Variants in ITGB4 observed in about 807,000 individuals in gnomAD.
ITGB4 encodes the protein integrin beta-4.
ITGB4 carries 159 observed loss-of-function variants against 207.6 expected under a neutral mutation model. The observed-to-expected ratio is 0.77, with a 90% CI of 0.67 to 0.87. ITGB4 has a LOEUF of 0.87. ITGB4 is among the 40% of genes least tolerant of loss of function. The probability of loss-of-function intolerance (pLI) is 0.00; values close to 1 mark genes in which losing one functional copy is unlikely to be tolerated. For synonymous variants in ITGB4, 1,020 were observed against 1,062.7 expected, an observed-to-expected ratio of 0.96 and a Z score of 0.78; for missense variants, 2,278 against 2,546.8, an observed-to-expected ratio of 0.89 and a Z score of 2.27.
chr17:75,722,475 T>G lies in ITGB4; in HGVS notation c.-11+863T>G, dbSNP rs914160937. ...GAGCTGGCAGTGAAGGCTTGGAGTC[T>G]CCATCCTGGGGGCTGAGGGAAGGAC... On this transcript the variant is annotated intron_variant, in intron 1 of 39. Transcript: ENST00000200181. This position sits in a 1 kb window ranked among gnomAD's most constrained non-coding sequence, Gnocchi z 6.2. Among the ~76,000 whole-genome samples the G allele has an allele frequency of 1.3e-5, 2 of 152,140 alleles. No individual in the cohort carries two copies. The highest frequency in any genetic ancestry group is 1.3e-4 in the Admixed American group (2 of 15,274).
chr17:75,727,439 G>A lies in ITGB4; in HGVS notation c.198G>A (p.Glu66=), dbSNP rs1015321334. 13 of 1,613,862 alleles carry A rather than the reference G, an allele frequency of 8.1e-6. No homozygotes were observed. The Admixed American group carries it at 1.0e-4, about 12-fold the overall frequency. Reference sequence around the variant, plus strand: ...ACCGGCGCTGCAACACCCAGGCGGAGCTGCTGGCCGCGGGCTGCCAGCGGG... The same window carrying A: ...ACCGGCGCTGCAACACCCAGGCGGAACTGCTGGCCGCGGGCTGCCAGCGGG... ...FRDRRCNTQA[E]LLAAGCQRES... The change falls in exon 4 of 40, where the codon GAG becomes GAA. Residue 66 remains glutamate, a synonymous_variant. Coordinates refer to ENST00000200181, the MANE Select transcript of ITGB4 (RefSeq NM_000213.5). This position sits in a 1 kb window ranked among gnomAD's most constrained non-coding sequence, Gnocchi z 6.0.
Position 75,732,311 on chromosome 17 carries a change from G to C in ITGB4, c.1454+72G>C. 2.1e-6 allele frequency: 3 copies of C among 1,459,302 alleles called. No individual in the cohort carries two copies. Among genetic ancestry groups the C allele is most frequent in the Non-Finnish European group, 2.9e-6 (3 of 1,041,728 alleles). The allele number at this position is 1,459,302 out of a possible 1,614,324, so 90.4% of individuals were successfully genotyped here. On this transcript the variant is annotated intron_variant, in intron 12 of 39. Coordinates refer to ENST00000200181, the MANE Select transcript of ITGB4 (RefSeq NM_000213.5). The surrounding 1 kb of genome is among the most constrained non-coding windows in gnomAD (Gnocchi z 5.3). ...ATGGGAAAGCTGGGCTCCTGCAGGGGCCTGGCCCTGGGTGCACCTTGTACA... is the reference window on the plus strand; with the variant it reads ...ATGGGAAAGCTGGGCTCCTGCAGGGCCCTGGCCCTGGGTGCACCTTGTACA...
chr17:75,748,283 G>A (rs1315673645), intron 26 of ITGB4, among the ~76,000 whole-genome samples: 1 of 151,688 alleles, frequency 6.6e-6, no homozygotes, highest in Non-Finnish European at 1.5e-5. Context: ...GATGGCCTGA[G>A]CCCAGGAGGT....
At chr17:75,728,261 C>G (rs2060766869) in intron 5 of ITGB4, 116 bp from the exon 6 acceptor site, 1 of 803,116 alleles carries the variant, frequency 1.2e-6, no homozygotes, top group South Asian at 1.4e-5. Flanking sequence ...CTTTGTCCAG[C>G]ATGCAAAGCG....
chr17:75,732,827 CT>C lies in ITGB4; in HGVS notation c.1454+589del, dbSNP rs748026486. Among the ~76,000 whole-genome samples, 6 of 152,212 alleles carry C rather than the reference CT, an allele frequency of 3.9e-5. No homozygotes were observed. The highest frequency in any genetic ancestry group is 4.4e-5 in the Non-Finnish European group (3 of 68,044). On this transcript the variant is annotated intron_variant, in intron 12 of 39. Transcript: ENST00000200181. This position sits in a 1 kb window ranked among gnomAD's most constrained non-coding sequence, Gnocchi z 5.3. Reference sequence around the variant, plus strand: ...GCAGGCCAGGCGAGGTGGCTCACACCTGTAATCCCAGCACTTTGGGAGGCCG... The same window carrying C: ...GCAGGCCAGGCGAGGTGGCTCACACCGTAATCCCAGCACTTTGGGAGGCCG...
At position 75,724,920 on chromosome 17, in the gene ITGB4, C is replaced by G; in HGVS notation, c.79+138C>G. On this transcript the variant is annotated intron_variant, in intron 2 of 39. Transcript: ENST00000200181. Reference sequence around the variant, plus strand: ...AACTGACCACTGCCCACCTTCAGGGCTGGAAAACTTGAGGCTCCAAGCTCT... The same window carrying G: ...AACTGACCACTGCCCACCTTCAGGGGTGGAAAACTTGAGGCTCCAAGCTCT... The G allele has an allele frequency of 3.9e-6, 3 of 767,250 alleles. No homozygotes were observed. The East Asian group carries it at 8.0e-5, about 20-fold the overall frequency. 47.5% of individuals were successfully genotyped at this position (767,250 alleles called of 1,614,324 possible).
Position 75,723,039 on chromosome 17 carries a change from C to T in ITGB4, c.-11+1427C>T, listed in dbSNP as rs549167757. ...GCTCCTACTTTTAAAACTTTCTAAA[C>T]AAATGAAGCCAAACACTCTTGGGTG... On this transcript the variant is annotated intron_variant, in intron 1 of 39. Transcript: ENST00000200181. Among the ~76,000 whole-genome samples, 42 of 152,192 alleles carry T rather than the reference C, an allele frequency of 2.8e-4. 1 individual carries two copies. The highest frequency in any genetic ancestry group is 4.6e-4 in the Non-Finnish European group (31 of 68,018).
At chr17:75,749,305 A>G (rs980463119) in intron 27 of ITGB4, among the ~76,000 whole-genome samples, 4 of 152,102 alleles carry the variant, frequency 2.6e-5, no homozygotes, top group Non-Finnish European at 4.4e-5. Flanking sequence ...AGGTGGGAGG[A>G]TCACTTGAGC....
At chr17:75,751,203 G>C (rs745484759) in intron 30 of ITGB4, 92 bp downstream of exon 30, 135 of 1,456,888 alleles carry the variant, frequency 9.3e-5, no homozygotes, top group Non-Finnish European at 1.2e-4. Flanking sequence ...TCACTCCCTG[G>C]ACCTGCTGTG....
Position 75,722,060 on chromosome 17 carries a change from G to A in ITGB4, c.-11+448G>A, listed in dbSNP as rs928273870. Among the ~76,000 whole-genome samples, 32 of 152,246 alleles carry A rather than the reference G, an allele frequency of 2.1e-4. No homozygotes were observed. Among genetic ancestry groups the A allele is most frequent in the African/African-American group, 7.7e-4 (32 of 41,472 alleles). On this transcript the variant is annotated intron_variant, in intron 1 of 39. Coordinates refer to ENST00000200181, the MANE Select transcript of ITGB4 (RefSeq NM_000213.5). The surrounding 1 kb of genome is among the most constrained non-coding windows in gnomAD (Gnocchi z 6.2). ...CTCCTACTTTTAAAAGCCACCCTGA[G>A]AGGCAGACGCCATCCCGGCTCCAGG...
intron 13 of ITGB4, 145 bp downstream of exon 13, chr17:75,733,837 A>G: frequency 1.1e-6 from 1 of 917,450 alleles, no homozygotes; most frequent in Non-Finnish European, 1.7e-6. Context: ...GGATGCCCTG[A>G]GGGCCGCCCC....
intron 25 of ITGB4, among the ~76,000 whole-genome samples, chr17:75,743,278 G>A (rs1409092852): frequency 6.6e-6 from 1 of 152,138 alleles, no homozygotes. Flanking sequence ...TGCCACCCAG[G>A]CTGGAGTGCA....
Position 75,755,940 on chromosome 17 carries a change from A to G in ITGB4, c.4708+90A>G, listed in dbSNP as rs908911637. ...ATAGGGTACCTCAGCTGTGTCAGGAACCCACCCAAGTCCCTTGAGCGCTAA... is the reference window on the plus strand; with the variant it reads ...ATAGGGTACCTCAGCTGTGTCAGGAGCCCACCCAAGTCCCTTGAGCGCTAA... On this transcript the variant is annotated intron_variant, in intron 35 of 39. Coordinates refer to ENST00000200181, the MANE Select transcript of ITGB4 (RefSeq NM_000213.5). 7.1e-5 allele frequency: 106 copies of G among 1,483,138 alleles called. 1 individual carries two copies. Among genetic ancestry groups the G allele is most frequent in the Middle Eastern group, 2.3e-4 (1 of 4,300 alleles). The allele number at this position is 1,483,138 out of a possible 1,614,324, so 91.9% of individuals were successfully genotyped here.
intron 34 of ITGB4, 143 bp from the exon 35 acceptor site, chr17:75,755,558 G>A: frequency 9.7e-7 from 1 of 1,031,720 alleles, no homozygotes; most frequent in Non-Finnish European, 1.5e-6. Context: ...GCCTGGACAG[G>A]GTGTTGCAGG....
At chr17:75,741,835 C>A (rs561151042) in intron 23 of ITGB4, among the ~76,000 whole-genome samples, 1 of 152,054 alleles carries the variant, frequency 6.6e-6, no homozygotes, top group South Asian at 2.1e-4. Flanking sequence ...GGCTGACCAG[C>A]ATTTCTTATC....
Position 75,742,401 on chromosome 17 carries a change from G to A in ITGB4, c.2694G>A (p.Leu898=). 6.2e-7 allele frequency: 1 copy of A among 1,613,414 alleles called. No individual in the cohort carries two copies. The highest frequency in any genetic ancestry group is 8.5e-7 in the Non-Finnish European group (1 of 1,179,970). Reference sequence around the variant, plus strand: ...CGCCCCGCTCGGCCAAGCCGGCCCTGCTGAAGCTTACAGAGAAGCAGGTGG... The same window carrying A: ...CGCCCCGCTCGGCCAAGCCGGCCCTACTGAAGCTTACAGAGAAGCAGGTGG... ...LMAPRSAKPA[L]LKLTEKQVEQ... is the part of the protein sequence containing the mutation. The change falls in exon 24 of 40, where the codon CTG becomes CTA. Residue 898 remains leucine, a synonymous_variant. Transcript: ENST00000200181. The surrounding 1 kb of genome is among the most constrained non-coding windows in gnomAD (Gnocchi z 5.9).
Position 75,740,932 on chromosome 17 carries a change from G to T in ITGB4, c.2610-50G>T, listed in dbSNP as rs2061094912. The T allele has an allele frequency of 1.2e-6, 2 of 1,613,742 alleles. No individual in the cohort carries two copies. Among genetic ancestry groups the T allele is most frequent in the African/African-American group, 1.3e-5 (1 of 74,914 alleles). ...GAGCCGAAGCCCCCAGGCCGATCAG[G>T]CCTCCACTTCAGGGCTATCTAGCTC... On this transcript the variant is annotated intron_variant, in intron 22 of 39. Coordinates refer to ENST00000200181, the MANE Select transcript of ITGB4 (RefSeq NM_000213.5). This position sits in a 1 kb window ranked among gnomAD's most constrained non-coding sequence, Gnocchi z 5.9.
intron 35 of ITGB4, 117 bp downstream of exon 35, chr17:75,755,967 G>C: frequency 7.8e-7 from 1 of 1,276,546 alleles, no homozygotes; most frequent in Non-Finnish European, 1.1e-6. Flanking sequence ...GAGCGCTAAA[G>C]CCCCCATCCA....
At position 75,731,210 on chromosome 17, in the gene ITGB4, C is replaced by A. The variant is rs2060848513; in HGVS notation, c.1093-36C>A. The stretch of plus-strand genomic sequence containing the variant: ...AGGTTGGGGTGGAGCACAGAGGCCC[C>A]CCACAGAGCACTGATCAACCTCCTT... On this transcript the variant is annotated intron_variant, in intron 9 of 39. Transcript: ENST00000200181. The surrounding 1 kb of genome is among the most constrained non-coding windows in gnomAD (Gnocchi z 6.8). 1 of 1,612,898 alleles carries A rather than the reference C, an allele frequency of 6.2e-7. No individual in the cohort carries two copies. Among genetic ancestry groups the A allele is most frequent in the Non-Finnish European group, 8.5e-7 (1 of 1,179,992 alleles).
Sources: gnomAD v4.1 joint callset for allele counts (sites outside exome capture counted in the v4.1 genomes callset) on GRCh38, gnomAD v4.1.1 for gene constraint, Gnocchi (gnomAD v3.1) non-coding constraint, MANE v1.5 for transcripts, NCBI Gene and HGNC (gene_info 2026-07-23, HGNC 2026-07-21) for gene names.